Variants in BARD1 observed in about 807,000 individuals in gnomAD.
The protein encoded by BARD1 is BRCA1 associated RING domain 1, also known as BRCA1-associated RING domain protein 1.
A neutral mutation model predicts 77.0 loss-of-function variants in BARD1; 73 were observed. The ratio of observed to expected loss-of-function variants is 0.95; its 90% CI spans 0.79 to 1.15. The LOEUF (loss-of-function observed/expected upper bound fraction) is 1.15, where lower values mean the gene tolerates loss of function less well. BARD1 is among the 50% of genes most tolerant of loss of function. The pLI, the probability that BARD1 is intolerant of heterozygous loss-of-function variation, is 0.00. For synonymous variants in BARD1, 384 were observed against 338.0 expected, an observed-to-expected ratio of 1.14 and a Z score of -1.49; for missense variants, 993 against 938.8, an observed-to-expected ratio of 1.06 and a Z score of -0.75.
chr2:214,794,895 TATACAC>T (rs1356437372), intron 2 of BARD1, among the ~76,000 whole-genome samples: 1 of 152,248 alleles, frequency 6.6e-6, no homozygotes, highest in African/African-American at 2.4e-5. Flanking sequence ...GTTCATGTCA[TATACAC>T]ATAATCATTT....
intron 2 of BARD1, among the ~76,000 whole-genome samples, chr2:214,794,068 A>G (rs1009577834): frequency 1.3e-5 from 2 of 152,100 alleles, no homozygotes; most frequent in African/African-American, 4.8e-5. Flanking sequence ...CATGGGCAAC[A>G]TGGCAAAACC....
At chr2:214,756,534 T>C (rs1693701784) in intron 6 of BARD1, among the ~76,000 whole-genome samples, 1 of 152,190 alleles carries the variant, frequency 6.6e-6, no homozygotes, top group African/African-American at 2.4e-5. Context: ...CACATGCATG[T>C]TTATAGCAGC....
At chr2:214,739,155 T>C (rs1478385880) in intron 9 of BARD1, among the ~76,000 whole-genome samples, 1 of 151,938 alleles carries the variant, frequency 6.6e-6, no homozygotes, top group Non-Finnish European at 1.5e-5. Flanking sequence ...GAAAAAAGGG[T>C]TGTTATTATT....
At chr2:214,783,137 A>G (rs997015225) in intron 3 of BARD1, among the ~76,000 whole-genome samples, 16 of 152,134 alleles carry the variant, frequency 1.1e-4, no homozygotes, top group Non-Finnish European at 4.4e-5. Flanking sequence ...GAGTGTAGAA[A>G]AAGTCAGCCC....
At position 214,792,482 on chromosome 2, in the gene BARD1, A is replaced by G. The variant is rs541925530; in HGVS notation, c.216-37T>C. ...TTAAAAAAAAAAAAAAAAGCAACCC[A>G]TTCAGCAGAATTTAATTCCAAAAAC... On this transcript the variant is annotated intron_variant, in intron 2 of 10. Coordinates refer to ENST00000260947, the MANE Select transcript of BARD1 (RefSeq NM_000465.4). 5.8e-4 allele frequency: 864 copies of G among 1,502,444 alleles called. 8 individuals are homozygous for G. The South Asian group carries it at 0.011, about 18-fold the overall frequency. The allele number at this position is 1,502,444 out of a possible 1,614,324, so 93.1% of individuals were successfully genotyped here.
At position 214,780,885 on chromosome 2, in the gene BARD1, C is replaced by G. The variant is rs1574818102; in HGVS notation, c.989G>C (p.Ser330Thr). ...GKRGHHNRLS[S>T]PISKRCRTSI... ...GGTTCTACATCTCTTAGAAATGGGA[C>G]TGGAAAGTCTATTGTGATGGCCACG... The change falls in exon 4 of 11, where the codon AGT becomes ACT. Residue 330 changes from serine to threonine, a missense_variant. Coordinates refer to ENST00000260947, the MANE Select transcript of BARD1 (RefSeq NM_000465.4). The G allele has an allele frequency of 6.2e-7, 1 of 1,614,080 alleles. No homozygotes were observed. Among genetic ancestry groups the G allele is most frequent in the Middle Eastern group, 1.6e-4 (1 of 6,062 alleles).
intron 8 of BARD1, 129 bp from the exon 9 acceptor site, chr2:214,745,288 T>G: frequency 1.3e-6 from 1 of 785,094 alleles, no homozygotes; most frequent in Non-Finnish European, 2.1e-6. Flanking sequence ...ATTTTTACAC[T>G]TAAGTGTAAG....
chr2:214,742,556 T>C (rs1369032012), intron 9 of BARD1, among the ~76,000 whole-genome samples: 1 of 152,148 alleles, frequency 6.6e-6, no homozygotes, highest in African/African-American at 2.4e-5. Flanking sequence ...CCATCCTTTA[T>C]CCTAAAAGAA....
chr2:214,802,386 T>C (rs1338098298), intron 1 of BARD1, among the ~76,000 whole-genome samples: 1 of 152,214 alleles, frequency 6.6e-6, no homozygotes, highest in Non-Finnish European at 1.5e-5. Flanking sequence ...TGGGCTATGC[T>C]ATGATGTTTG....
At chr2:214,788,152 G>T (rs4673901) in intron 3 of BARD1, among the ~76,000 whole-genome samples, 2 of 151,116 alleles carry the variant, frequency 1.3e-5, no homozygotes, top group South Asian at 2.1e-4. Flanking sequence ...AAATAGAAAA[G>T]GAAATTGTAA....
chr2:214,777,123 T>C (rs891643464), intron 4 of BARD1, among the ~76,000 whole-genome samples: 1 of 152,202 alleles, frequency 6.6e-6, no homozygotes, highest in Non-Finnish European at 1.5e-5. Flanking sequence ...ATGAGACCCA[T>C]ACTAGACTTC....
At chr2:214,780,515 T>C (rs759637650) in intron 4 of BARD1, 45 bp downstream of exon 4, 27 of 1,545,960 alleles carry the variant, frequency 1.7e-5, no homozygotes, top group East Asian at 1.4e-4. Flanking sequence ...AATTGCTTTA[T>C]AGTTGGCCTC....
chr2:214,789,220 G>C (rs754056116), intron 3 of BARD1, among the ~76,000 whole-genome samples: 71 of 151,914 alleles, frequency 4.7e-4, no homozygotes, highest in Non-Finnish European at 9.4e-4. Flanking sequence ...CAAATTCTAA[G>C]AATGTATTTT....
Position 214,759,285 on chromosome 2 carries a change from A to G in BARD1, c.1569-6730T>C, listed in dbSNP as rs11689134. On this transcript the variant is annotated intron_variant, in intron 6 of 10. Transcript: ENST00000260947. ...CAAGTACCACATTCTAAAATCCTACATATCCATTAAAAATAAAAAAAAAGA... is the reference window on the plus strand; with the variant it reads ...CAAGTACCACATTCTAAAATCCTACGTATCCATTAAAAATAAAAAAAAAGA... 6.4e-3 allele frequency among the ~76,000 whole-genome samples: 978 copies of G among 152,234 alleles called. 6 individuals are homozygous for G. Among genetic ancestry groups the G allele is most frequent in the Middle Eastern group, 0.014 (4 of 290 alleles).
intron 6 of BARD1, among the ~76,000 whole-genome samples, chr2:214,760,583 T>C (rs1318929780): frequency 6.6e-6 from 1 of 152,188 alleles, no homozygotes; most frequent in Non-Finnish European, 1.5e-5. Flanking sequence ...CCCAGTGACA[T>C]CCGAGACTAA....
At chr2:214,788,150 A>G (rs1362874008) in intron 3 of BARD1, among the ~76,000 whole-genome samples, 3 of 151,790 alleles carry the variant, frequency 2.0e-5, no homozygotes, top group Admixed American at 1.3e-4. Context: ...GAAAATAGAA[A>G]AGGAAATTGT....
intron 6 of BARD1, among the ~76,000 whole-genome samples, chr2:214,763,239 T>C (rs1019863092): frequency 6.6e-6 from 1 of 152,216 alleles, no homozygotes; most frequent in East Asian, 1.9e-4. Context: ...CCAGAAAGCC[T>C]TCTGTGACTT....
At chr2:214,806,859 G>C (rs1696296609) in intron 1 of BARD1, among the ~76,000 whole-genome samples, 1 of 105,808 alleles carries the variant, frequency 9.5e-6, no homozygotes, top group African/African-American at 3.6e-5. Flanking sequence ...GGGTGACAGA[G>C]TGAAACTTTG....
At chr2:214,741,737 T>G (rs189255967) in intron 9 of BARD1, among the ~76,000 whole-genome samples, 1 of 152,310 alleles carries the variant, frequency 6.6e-6, no homozygotes, top group East Asian at 1.9e-4. Flanking sequence ...AAATATAAGA[T>G]AGACTGGATG....
Sources: gnomAD v4.1 joint callset for allele counts (sites outside exome capture counted in the v4.1 genomes callset) on GRCh38, gnomAD v4.1.1 for gene constraint, MANE v1.5 for transcripts, NCBI Gene and HGNC (gene_info 2026-07-23, HGNC 2026-07-21) for gene names.